Variants in NCOA2 observed in about 807,000 individuals in gnomAD.
NCOA2 encodes the protein nuclear receptor coactivator 2, also known as class E basic helix-loop-helix protein 75.
In NCOA2, 21 loss-of-function variants were observed where a neutral mutation model predicts 145.1. The observed-to-expected ratio is 0.14, with a 90% confidence interval of 0.10 to 0.21. NCOA2 has a LOEUF of 0.21. Ranked by LOEUF, NCOA2 falls within the 10% of genes least tolerant of loss-of-function variation. The probability of loss-of-function intolerance (pLI) is 1.00; values close to 1 mark genes in which losing one functional copy is unlikely to be tolerated. For missense variants in NCOA2, 1,472 were observed against 1,837.6 expected (o/e 0.80, Z 3.64); for synonymous variants, 619 against 637.5 (o/e 0.97, Z 0.44).
chr8:70,334,524 G>A (rs1002420786), intron 1 of NCOA2, among the ~76,000 whole-genome samples: 39 of 152,136 alleles, frequency 2.6e-4, no homozygotes, highest in African/African-American at 9.4e-4. Context: ...TCTTGATACT[G>A]CATATCACTC....
At chr8:70,117,966 G>C (rs1013547053) in intron 22 of NCOA2, among the ~76,000 whole-genome samples, 1 of 152,220 alleles carries the variant, frequency 6.6e-6, no homozygotes, top group Non-Finnish European at 1.5e-5. Flanking sequence ...CATGGCAGCT[G>C]AAGAAAGAGC....
chr8:70,310,346 CAAAAAAAAAA>C (rs34849703), intron 1 of NCOA2, among the ~76,000 whole-genome samples: 1 of 72,448 alleles, frequency 1.4e-5, no homozygotes, highest in Non-Finnish European at 2.9e-5. Context: ...TCTGTCTTCC[CAAAAAAAAAA>C]AAAAAAAAAA....
chr8:70,203,995 A>C (rs1280388377), intron 4 of NCOA2, among the ~76,000 whole-genome samples: 2 of 152,080 alleles, frequency 1.3e-5, no homozygotes, highest in African/African-American at 4.8e-5. Flanking sequence ...AAAAATTATA[A>C]AATACTTCTT....
the NCOA2 span, among the ~76,000 whole-genome samples, chr8:70,447,282 A>G: frequency 1.3e-5 from 2 of 152,206 alleles, no homozygotes; most frequent in African/African-American, 2.4e-5. Context: ...CCTCAGTCGC[A>G]TCAGAGCACA....
intron 1 of NCOA2, among the ~76,000 whole-genome samples, chr8:70,321,106 A>G (rs1806015302): frequency 1.3e-5 from 2 of 151,952 alleles, no homozygotes; most frequent in African/African-American, 4.8e-5. Flanking sequence ...TAACTTTGGG[A>G]TTTTCTTCTA....
intron 1 of NCOA2, among the ~76,000 whole-genome samples, chr8:70,367,545 C>A (rs1310239654): frequency 6.6e-6 from 1 of 152,090 alleles, no homozygotes; most frequent in Non-Finnish European, 1.5e-5. Context: ...ACAGAGGGAC[C>A]AATAATCACA....
At chr8:70,132,083 G>A (rs1809185481) in intron 15 of NCOA2, 81 bp from the exon 16 acceptor site, 3 of 1,403,198 alleles carry the variant, frequency 2.1e-6, no homozygotes, top group Non-Finnish European at 2.9e-6. Context: ...AAAGGTGAAA[G>A]TATCAATTGA....
intron 21 of NCOA2, 71 bp downstream of exon 21, chr8:70,123,813 T>C: frequency 7.6e-7 from 1 of 1,318,026 alleles, no homozygotes. Context: ...CATGGAAAGA[T>C]ATATTTGATG....
chr8:70,257,028 CTTCT>C (rs1210819162), intron 2 of NCOA2, among the ~76,000 whole-genome samples: 4 of 152,206 alleles, frequency 2.6e-5, no homozygotes, highest in Non-Finnish European at 5.9e-5. Context: ...TAGGCGTCAT[CTTCT>C]AATCCTCAAC....
chr8:70,393,996 C>A (rs942577415), intron 1 of NCOA2, among the ~76,000 whole-genome samples: 5 of 152,218 alleles, frequency 3.3e-5, no homozygotes, highest in Middle Eastern at 3.4e-3. Flanking sequence ...ATATTCCATT[C>A]TATTAGGATC....
At chr8:70,372,668 G>A (rs940848022) in intron 1 of NCOA2, among the ~76,000 whole-genome samples, 1 of 152,138 alleles carries the variant, frequency 6.6e-6, no homozygotes, top group East Asian at 1.9e-4. Context: ...GTGTATAAAT[G>A]TGTAAGTCTG....
At chr8:70,142,580 T>C (rs1410986187) in intron 13 of NCOA2, among the ~76,000 whole-genome samples, 1 of 152,042 alleles carries the variant, frequency 6.6e-6, no homozygotes, top group East Asian at 1.9e-4. Flanking sequence ...ATGCCTGTAG[T>C]CCCAATTACT....
chr8:70,417,540 ACT>A, the NCOA2 span, among the ~76,000 whole-genome samples: 2 of 150,850 alleles, frequency 1.3e-5, no homozygotes, highest in Non-Finnish European at 1.5e-5. Context: ...CAAGAGTGAG[ACT>A]CTGTCTCAAA....
chr8:70,134,290 A>C (rs1809488576), intron 15 of NCOA2, among the ~76,000 whole-genome samples: 1 of 152,218 alleles, frequency 6.6e-6, no homozygotes, highest in African/African-American at 2.4e-5. Flanking sequence ...CAAAGAGAGG[A>C]GATTCCTCAA....
At chr8:70,129,224 T>C (rs1808801500) in intron 16 of NCOA2, among the ~76,000 whole-genome samples, 1 of 152,174 alleles carries the variant, frequency 6.6e-6, no homozygotes, top group East Asian at 1.9e-4. Flanking sequence ...GCAGCACTTC[T>C]TCCAAGGGAA....
intron 2 of NCOA2, among the ~76,000 whole-genome samples, chr8:70,217,355 A>C (rs778897897): frequency 4.6e-5 from 7 of 152,090 alleles, no homozygotes; most frequent in Admixed American, 2.6e-4. Context: ...CCCCTCGGGA[A>C]GCTCCTGTGC....
At chr8:70,189,582 T>C (rs1816461097) in intron 4 of NCOA2, among the ~76,000 whole-genome samples, 1 of 152,220 alleles carries the variant, frequency 6.6e-6, no homozygotes, top group South Asian at 2.1e-4. Flanking sequence ...TTCAAGCACA[T>C]GGGACGAGGA....
chr8:70,137,400 T>G (rs1445848457), intron 15 of NCOA2, among the ~76,000 whole-genome samples: 1 of 152,218 alleles, frequency 6.6e-6, no homozygotes, highest in African/African-American at 2.4e-5. Context: ...AATCCTAATT[T>G]TGGGTCTAGT....
the NCOA2 span, among the ~76,000 whole-genome samples, chr8:70,424,828 T>C: frequency 1.3e-5 from 2 of 152,228 alleles, no homozygotes; most frequent in African/African-American, 4.8e-5. Flanking sequence ...AGTGTTACTC[T>C]TCTTTTGAGT....
Sources: allele counts gnomAD v4.1 joint callset (sites outside exome capture counted in the v4.1 genomes callset), GRCh38; gene constraint gnomAD v4.1.1; transcripts MANE v1.5; gene names NCBI Gene and HGNC (gene_info 2026-07-23, HGNC 2026-07-21).